The following DNM3 variants were observed in gnomAD, a reference collection of about 807,000 sequenced individuals.
DNM3 encodes dynamin 3.
A neutral mutation model predicts 101.6 loss-of-function variants in DNM3; 47 were observed. The observed-to-expected ratio is 0.46, with a 90% confidence interval of 0.37 to 0.59. The LOEUF is 0.59. Among genes scored for constraint, DNM3 ranks in the 20% least tolerant of loss-of-function variants. The probability of loss-of-function intolerance (pLI) is 0.00; values close to 1 mark genes in which losing one functional copy is unlikely to be tolerated. For synonymous variants in DNM3, 385 were observed against 387.9 expected (o/e 0.99, Z 0.09); for missense variants, 849 against 1,085.7 (o/e 0.78, Z 3.06).
At chr1:171,841,917 C>T (rs971405609) in intron 1 of DNM3, 100 bp downstream of exon 1, 1 of 1,458,476 alleles carries the variant, frequency 6.9e-7, no homozygotes, top group African/African-American at 1.4e-5. Context: ...GGTGGATGGA[C>T]CAGGCGCTGC....
intron 7 of DNM3, among the ~76,000 whole-genome samples, chr1:172,040,476 TG>T (rs1273408380): frequency 1.3e-5 from 2 of 151,754 alleles, no homozygotes; most frequent in African/African-American, 4.9e-5. Flanking sequence ...TGAAAATAGT[TG>T]GTTTTTTTTT....
chr1:172,006,432 A>G (rs1465158197), intron 4 of DNM3, among the ~76,000 whole-genome samples: 2 of 152,022 alleles, frequency 1.3e-5, no homozygotes, highest in Non-Finnish European at 2.9e-5. Flanking sequence ...AAGTTGTTTT[A>G]AGACTCAGAG....
rs374762811 is a variant in DNM3 at position 172,218,094 on chromosome 1, G to A, written c.1660-35479G>A. Among the ~76,000 whole-genome samples, 129 of 152,204 alleles carry A rather than the reference G, an allele frequency of 8.5e-4. 1 individual carries two copies. Among genetic ancestry groups the A allele is most frequent in the Middle Eastern group, 6.8e-3 (2 of 294 alleles). On this transcript the variant is annotated intron_variant, in intron 14 of 20. Coordinates refer to ENST00000627582, the MANE Select transcript of DNM3 (RefSeq NM_015569.5). ...CTACATGTTTGAGGGTTTCAAAAGT[G>A]TCCTTTTCATTTGTGGAATTTAATT...
At chr1:172,059,624 AG>A (rs1448940854) in intron 10 of DNM3, among the ~76,000 whole-genome samples, 1 of 67,884 alleles carries the variant, frequency 1.5e-5, no homozygotes, top group Non-Finnish European at 2.6e-5. Flanking sequence ...ATGCAGAAAA[AG>A]CCTTTGACAA....
chr1:172,039,190 T>C (rs1442378389), intron 7 of DNM3, among the ~76,000 whole-genome samples: 1 of 152,110 alleles, frequency 6.6e-6, no homozygotes. Flanking sequence ...CTGCCACTTG[T>C]GTCAAGTCCC....
At chr1:172,004,038 A>G (rs1047738313) in intron 4 of DNM3, among the ~76,000 whole-genome samples, 13 of 152,038 alleles carry the variant, frequency 8.6e-5, no homozygotes, top group African/African-American at 2.9e-4. Flanking sequence ...AGGATTTTGC[A>G]GGGAGGGTTG....
intron 14 of DNM3, among the ~76,000 whole-genome samples, chr1:172,183,545 A>G (rs951330771): frequency 6.6e-6 from 1 of 152,092 alleles, no homozygotes; most frequent in Non-Finnish European, 1.5e-5. Flanking sequence ...ATGATAAAAC[A>G]TGTTAGTTGC....
intron 14 of DNM3, among the ~76,000 whole-genome samples, chr1:172,247,656 CTTAT>C (rs1553207716): frequency 2.2e-3 from 297 of 135,378 alleles, no homozygotes; most frequent in Admixed American, 3.5e-3. Context: ...ATTATTATTT[CTTAT>C]TTATTTATTT....
chr1:172,334,583 T>G (rs2066335647), intron 17 of DNM3, among the ~76,000 whole-genome samples: 1 of 152,186 alleles, frequency 6.6e-6, no homozygotes, highest in Non-Finnish European at 1.5e-5. Context: ...CCTTCATTAA[T>G]GGAGCCCAAT....
At chr1:172,395,699 T>C (rs1025958380) in intron 20 of DNM3, among the ~76,000 whole-genome samples, 1 of 152,238 alleles carries the variant, frequency 6.6e-6, no homozygotes, top group Admixed American at 6.5e-5. Flanking sequence ...ACACTCGACA[T>C]TGAAATCCTT....
In DNM3 at chr1:172,243,872, T is replaced by A. The variant is rs149794278; in HGVS notation, c.1660-9701T>A. The stretch of plus-strand genomic sequence containing the variant: ...TCTCTATAGTTATAACTTCTTTTTT[T>A]TTATTATTATACTTTAAGTTTTAGG... On this transcript the variant is annotated intron_variant, in intron 14 of 20. Coordinates refer to ENST00000627582, the MANE Select transcript of DNM3 (RefSeq NM_015569.5). Among the ~76,000 whole-genome samples, 298 of 152,300 alleles carry A rather than the reference T, an allele frequency of 2.0e-3. 5 individuals carry two copies. In the East Asian group the frequency reaches 0.049, roughly 25 times the overall value.
At chr1:172,343,146 A>T (rs1181600633) in intron 17 of DNM3, among the ~76,000 whole-genome samples, 1 of 152,148 alleles carries the variant, frequency 6.6e-6, no homozygotes, top group Non-Finnish European at 1.5e-5. Flanking sequence ...ATCTAAAGAC[A>T]TGCTGATTAG....
At chr1:172,066,247 T>G (rs955248144) in intron 10 of DNM3, among the ~76,000 whole-genome samples, 20 of 152,268 alleles carry the variant, frequency 1.3e-4, no homozygotes, top group African/African-American at 3.4e-4. Context: ...GTCCATTTTC[T>G]GTAGTTTATA....
At chr1:172,129,477 A>T (rs987402331) in intron 13 of DNM3, among the ~76,000 whole-genome samples, 191 of 152,306 alleles carry the variant, frequency 1.3e-3, no homozygotes, top group African/African-American at 4.5e-3. Flanking sequence ...GCTGATAAAG[A>T]CATACCCGAG....
chr1:172,334,708 C>T (rs1239085788), intron 17 of DNM3, among the ~76,000 whole-genome samples: 1 of 152,080 alleles, frequency 6.6e-6, no homozygotes, highest in African/African-American at 2.4e-5. Flanking sequence ...AAAATATATT[C>T]CCTGCCCTTT....
chr1:172,261,347 G>A (rs10911433), intron 15 of DNM3, among the ~76,000 whole-genome samples: 25,950 of 152,196 alleles, frequency 0.17, 2,480 homozygotes, highest in East Asian at 0.24. Context: ...CTGACTATGC[G>A]TAGTGGTGTA....
intron 1 of DNM3, among the ~76,000 whole-genome samples, chr1:171,894,099 G>C (rs954670748): frequency 2.0e-5 from 3 of 152,106 alleles, no homozygotes; most frequent in Non-Finnish European, 2.9e-5. Context: ...TGGGATTACA[G>C]GCGTGAGCCA....
chr1:172,207,419 T>C (rs2148508009), intron 14 of DNM3, among the ~76,000 whole-genome samples: 1 of 152,260 alleles, frequency 6.6e-6, no homozygotes, highest in South Asian at 2.1e-4. Context: ...TCATATAATT[T>C]TCATGGGAAC....
intron 14 of DNM3, among the ~76,000 whole-genome samples, chr1:172,159,199 T>TA (rs1558656328): frequency 6.6e-6 from 1 of 152,030 alleles, no homozygotes; most frequent in Non-Finnish European, 1.5e-5. Flanking sequence ...AAAGTTATGG[T>TA]TGGAGAAAAA....
Sources: allele counts gnomAD v4.1 joint callset (sites outside exome capture counted in the v4.1 genomes callset), GRCh38; gene constraint gnomAD v4.1.1; transcripts MANE v1.5; gene names NCBI Gene and HGNC (gene_info 2026-07-23, HGNC 2026-07-21).